MUC5B: variants seen among roughly 807,000 people sequenced by gnomAD.
MUC5B encodes the protein mucin 5B, oligomeric mucus/gel-forming.
MUC5B carries 116 observed loss-of-function variants against 376.9 expected under a neutral mutation model. The ratio of observed to expected loss-of-function variants is 0.31; its 90% CI spans 0.26 to 0.36. The LOEUF is 0.36. Among genes scored for constraint, MUC5B ranks in the 10% least tolerant of loss-of-function variants. The pLI is 1.00. For missense variants in MUC5B, 7,165 were observed against 7,769.9 expected, an observed-to-expected ratio of 0.92 and a Z score of 2.93; for synonymous variants, 3,517 against 3,390.9, an observed-to-expected ratio of 1.04 and a Z score of -1.29.
At position 1,246,282 on chromosome 11, in the gene MUC5B, C is replaced by G; in HGVS notation, c.9402C>G (p.Ile3134Met). 6.2e-7 allele frequency: 1 copy of G among 1,610,824 alleles called. No homozygotes were observed. The highest frequency in any genetic ancestry group is 8.5e-7 in the Non-Finnish European group (1 of 1,178,154). The stretch of plus-strand genomic sequence containing the variant: ...CCTCCACTCCGGGGACGACCTGGAT[C>G]CTCACAGAGCTGACCACAGCAGCCA... ...TPSSTPGTTW[I>M]LTELTTAATT... Residue 3134 changes from isoleucine to methionine, a missense_variant, in exon 31 of 49, where the codon ATC becomes ATG. By Grantham distance (10) the Ile-to-Met change is conservative. Around this residue, in one of 31 missense-constraint regions of MUC5B, gnomAD observed 939 missense variants for 770.6 expected, o/e 1.22. Coordinates refer to ENST00000529681, the MANE Select transcript of MUC5B (RefSeq NM_002458.3).
rs777492949 is a variant in MUC5B, at chr11:1,233,005, G to A, written c.2066-8G>A. The A allele has an allele frequency of 8.9e-6, 14 of 1,572,312 alleles. No homozygotes were observed. Among genetic ancestry groups the A allele is most frequent in the South Asian group, 4.6e-5 (4 of 87,464 alleles). On this transcript the variant is annotated splice_region_variant and splice_polypyrimidine_tract_variant and intron_variant, in intron 17 of 48. Coordinates refer to ENST00000529681, the MANE Select transcript of MUC5B (RefSeq NM_002458.3). ...CTGACCTGTCCCCCCTGGCCCCACCGACCACAGCCAAGTACATGCAGAACT... is the reference window on the plus strand; with the variant it reads ...CTGACCTGTCCCCCCTGGCCCCACCAACCACAGCCAAGTACATGCAGAACT...
At position 1,250,811 on chromosome 11, in the gene MUC5B, G is replaced by A; in HGVS notation, c.13931G>A (p.Gly4644Glu). The A allele has an allele frequency of 6.2e-7, 1 of 1,613,002 alleles. No individual in the cohort carries two copies. The highest frequency in any genetic ancestry group is 8.5e-7 in the Non-Finnish European group (1 of 1,179,552). ...ACGGTGACCCCCTCCTCCATCCCGG[G>A]GACCACCCACACCGCCAGAGTGCTG... Reference protein sequence around the residue: ...GSTVTPSSIPGTTHTARVLTT... With the variant: ...GSTVTPSSIPETTHTARVLTT... The change falls in exon 31 of 49, where the codon GGG (glycine) becomes GAG (glutamate). Residue 4644 changes from glycine (G) to glutamate (E), a missense_variant. By Grantham distance (98) the Gly-to-Glu change is moderately conservative. Around this residue, in one of 31 missense-constraint regions of MUC5B, gnomAD observed 730 missense variants for 592.7 expected, o/e 1.23. Transcript: ENST00000529681.
rs763533358 is a variant in MUC5B, at chr11:1,239,500, G to A, written c.3517G>A (p.Ala1173Thr). The change falls in exon 27 of 49, where the codon GCA becomes ACA. Residue 1173 changes from alanine (A) to threonine (T), a missense_variant. Physicochemically the swap from Ala to Thr is moderately conservative, Grantham distance 58 (BLOSUM62 0). This residue lies in a region of MUC5B where 517 missense variants were observed against 545.3 expected (regional missense o/e 0.95). Transcript: ENST00000529681. Reference protein sequence around the residue: ...GCEWHYQPCGAPCLKTCRNPS... With the variant: ...GCEWHYQPCGTPCLKTCRNPS... ...TGAGTGGCACTACCAGCCCTGCGGG[G>A]CACCCTGCCTAAAAACCTGCCGGAA... The A allele has an allele frequency of 4.4e-6, 7 of 1,605,966 alleles. No individual in the cohort carries two copies. Among genetic ancestry groups the A allele is most frequent in the Admixed American group, 1.7e-5 (1 of 59,296 alleles).
intron 37 of MUC5B, 26 bp from the exon 38 acceptor site, chr11:1,256,130 T>G (rs1421429495): frequency 1.4e-6 from 1 of 720,912 alleles, no homozygotes; most frequent in Admixed American, 2.0e-5. Flanking sequence ...CCCCTTGGCT[T>G]GTCTGACACC....
At position 1,248,597 on chromosome 11, in the gene MUC5B, C is replaced by A. The variant is rs371994923; in HGVS notation, c.11717C>A (p.Pro3906His). 2.9e-5 allele frequency: 46 copies of A among 1,613,034 alleles called. No homozygotes were observed. In the African/African-American group the frequency reaches 5.3e-4, roughly 19 times the overall value. ...ACAACCAGTGGCTCCACGGTGACCC[C>A]CTCCTCCGTCCCGGGGACCACCCAC... is the stretch of plus-strand genomic sequence containing the variant. Reference protein sequence around the residue: ...TPTTSGSTVTPSSVPGTTHTP... With the variant: ...TPTTSGSTVTHSSVPGTTHTP... Residue 3906 changes from proline (P) to histidine (H), a missense_variant, in exon 31 of 49, where the codon CCC becomes CAC. Physicochemically the swap from Pro to His is moderately conservative, Grantham distance 77. Coordinates refer to ENST00000529681, the MANE Select transcript of MUC5B (RefSeq NM_002458.3).
chr11:1,244,862 T>G lies in MUC5B; in HGVS notation c.7982T>G (p.Val2661Gly), dbSNP rs748493179. Residue 2661 changes from valine (V) to glycine (G), a missense_variant, in exon 31 of 49, where the codon GTG becomes GGG. By Grantham distance (109) the Val-to-Gly change is moderately radical. Transcript: ENST00000529681. Reference sequence around the variant, plus strand: ...CCGGGGACCACCCACACCCCCACAGTGCTGACCACCACCACCACAACTGTG... The same window carrying G: ...CCGGGGACCACCCACACCCCCACAGGGCTGACCACCACCACCACAACTGTG... ...SIPGTTHTPT[V>G]LTTTTTTVAT... 2.5e-6 allele frequency: 4 copies of G among 1,613,014 alleles called. No homozygotes were observed. The African/African-American group carries it at 5.4e-5, about 22-fold the overall frequency.
In MUC5B at chr11:1,234,334, G is replaced by A; in HGVS notation, c.2478+29G>A. The A allele has an allele frequency of 9.0e-6, 10 of 1,106,382 alleles. No homozygotes were observed. Among genetic ancestry groups the A allele is most frequent in the Non-Finnish European group, 1.4e-5 (10 of 732,160 alleles). 68.5% of individuals were successfully genotyped at this position (1,106,382 alleles called of 1,614,324 possible). A position where few individuals can be genotyped will look rare whatever the true frequency, so the allele number is the denominator to read the frequency against. ...AGTTCCATGCTTCAGGGAGGGGTGGGCAGGGAAGGGGTCCCAGCTTTCCCA... is the reference window on the plus strand; with the variant it reads ...AGTTCCATGCTTCAGGGAGGGGTGGACAGGGAAGGGGTCCCAGCTTTCCCA... On this transcript the variant is annotated intron_variant, in intron 20 of 48. Transcript: ENST00000529681. This position sits in a 1 kb window ranked among gnomAD's most constrained non-coding sequence, Gnocchi z 6.3.
Position 1,256,171 on chromosome 11 carries a change from C to T in MUC5B, c.16082C>T (p.Pro5361Leu). The change falls in exon 38 of 49, where the codon CCC becomes CTC. Residue 5361 changes from proline to leucine, a missense_variant. Pro to Leu is a moderately conservative substitution (Grantham distance 98, BLOSUM62 -3). Transcript: ENST00000529681. ...TGGLCDLTCP[P>L]TKVYKPCGPI... is the part of the protein sequence containing the mutation. The stretch of plus-strand genomic sequence containing the variant: ...GTGCCCACAGACCTCACCTGCCCAC[C>T]CACCAAAGTGTACAAGCCATGCGGC... The T allele has an allele frequency of 2.7e-6, 2 of 735,406 alleles. No homozygotes were observed. Among genetic ancestry groups the T allele is most frequent in the East Asian group, 2.6e-5 (1 of 37,988 alleles). 45.6% of individuals were successfully genotyped at this position (735,406 alleles called of 1,614,324 possible). A position where few individuals can be genotyped will look rare whatever the true frequency, so the allele number is the denominator to read the frequency against.
Position 1,241,153 on chromosome 11 carries a change from C to A in MUC5B, c.4273C>A (p.Leu1425Ile). Residue 1425 changes from leucine to isoleucine, a missense_variant, in exon 31 of 49, where the codon CTC becomes ATC. Around this residue, in one of 31 missense-constraint regions of MUC5B, gnomAD observed 517 missense variants for 545.3 expected, o/e 0.95. Coordinates refer to ENST00000529681, the MANE Select transcript of MUC5B (RefSeq NM_002458.3). The part of the protein sequence containing the change: ...PLCHDYELRV[L>I]CCEYVPCGPS... ...CTGTCACGACTACGAGCTGCGGGTTCTCTGCTGCGAATACGTGCCCTGTGG... is the reference window on the plus strand; with the variant it reads ...CTGTCACGACTACGAGCTGCGGGTTATCTGCTGCGAATACGTGCCCTGTGG... 2 of 1,607,022 alleles carry A rather than the reference C, an allele frequency of 1.2e-6. No homozygotes were observed. The highest frequency in any genetic ancestry group is 1.7e-6 in the Non-Finnish European group (2 of 1,177,000).
rs1590171807 is a variant in MUC5B at position 1,233,809 on chromosome 11, A to G, written c.2338A>G (p.Lys780Glu). ...CTCTTGTAGTTCATGTACGGGTGGG[A>G]AGCTAAGCTGCCTGGGAGCCTCTCT... Reference protein sequence around the residue: ...EGAVCSCTGGKLSCLGASLQK... With the variant: ...EGAVCSCTGGELSCLGASLQK... The change falls in exon 19 of 49, where the codon AAG becomes GAG. Residue 780 changes from lysine (K) to glutamate (E), a missense_variant. Transcript: ENST00000529681. The G allele has an allele frequency of 2.5e-6, 4 of 1,605,976 alleles. No homozygotes were observed. The East Asian group carries it at 9.0e-5, about 36-fold the overall frequency.
chr11:1,251,108 C>T lies in MUC5B; in HGVS notation c.14228C>T (p.Thr4743Ile). The change falls in exon 31 of 49, where the codon ACA (threonine) becomes ATA (isoleucine). Residue 4743 changes from threonine to isoleucine, a missense_variant. Thr to Ile is a moderately conservative substitution (Grantham distance 89, BLOSUM62 -1). Around this residue, in one of 31 missense-constraint regions of MUC5B, gnomAD observed 730 missense variants for 592.7 expected, o/e 1.23. Transcript: ENST00000529681. ...TTLPVLTSTA[T>I]KSTATSFTPI... ...CTTCCAGTGCTGACAAGCACAGCCA[C>T]AAAATCCACAGCTACCAGCTTTACA... is the stretch of plus-strand genomic sequence containing the variant. The T allele has an allele frequency of 1.2e-6, 2 of 1,611,430 alleles. No individual in the cohort carries two copies. Among genetic ancestry groups the T allele is most frequent in the Non-Finnish European group, 1.7e-6 (2 of 1,178,286 alleles).
At position 1,258,087 on chromosome 11, in the gene MUC5B, A is replaced by G; in HGVS notation, c.16451-12A>G. On this transcript the variant is annotated splice_polypyrimidine_tract_variant and intron_variant, in intron 41 of 48. Transcript: ENST00000529681. The surrounding 1 kb of genome is among the most constrained non-coding windows in gnomAD (Gnocchi z 5.5). ...GAGCAGCGCCCAGACAGTGGCCTCCATCCTCCCGCAGTGTGCAACACAACC... is the reference window on the plus strand; with the variant it reads ...GAGCAGCGCCCAGACAGTGGCCTCCGTCCTCCCGCAGTGTGCAACACAACC... The G allele has an allele frequency of 6.4e-7, 1 of 1,567,064 alleles. No homozygotes were observed. The highest frequency in any genetic ancestry group is 8.6e-7 in the Non-Finnish European group (1 of 1,157,166).
At position 1,252,967 on chromosome 11, in the gene MUC5B, CTA is replaced by C; in HGVS notation, c.15206_15207del (p.Tyr5069Ter). The C allele has an allele frequency of 6.2e-7, 1 of 1,612,678 alleles. No individual in the cohort carries two copies. Among genetic ancestry groups the C allele is most frequent in the Non-Finnish European group, 8.5e-7 (1 of 1,179,858 alleles). ...SDPSQPCDFH[Y>X]ECECICSMWG... ...ACCCGAGCCAGCCCTGTGACTTCCACTATGAGTGCGAGTGTGAGTGCGTCGGT... is the reference window on the plus strand; with the variant it reads ...ACCCGAGCCAGCCCTGTGACTTCCACTGAGTGCGAGTGTGAGTGCGTCGGT... On this transcript the variant is annotated frameshift_variant, in exon 33 of 49. Transcript: ENST00000529681. LOFTEE classifies it high-confidence loss of function.
chr11:1,247,642 C>A lies in MUC5B; in HGVS notation c.10762C>A (p.Pro3588Thr), dbSNP rs1197686583. ...GTGGCTGGACTACAGCTACCCCATG[C>A]CGGGGCCCTCTGGCGGGGACTTTGA... ...SEWLDYSYPMPGPSGGDFDTY... is the reference protein window; with the variant it reads ...SEWLDYSYPMTGPSGGDFDTY... Residue 3588 changes from proline (P) to threonine (T), a missense_variant, in exon 31 of 49, where the codon CCG (proline) becomes ACG (threonine). Physicochemically the swap from Pro to Thr is conservative, Grantham distance 38. This residue lies in a region of MUC5B where 81 missense variants were observed against 154.5 expected (regional missense o/e 0.52). Coordinates refer to ENST00000529681, the MANE Select transcript of MUC5B (RefSeq NM_002458.3). 6.2e-7 allele frequency: 1 copy of A among 1,607,806 alleles called. No individual in the cohort carries two copies. Among genetic ancestry groups the A allele is most frequent in the Admixed American group, 1.7e-5 (1 of 59,846 alleles).
Position 1,248,481 on chromosome 11 carries a change from T to C in MUC5B, c.11601T>C (p.Thr3867=). 1 of 1,608,616 alleles carries C rather than the reference T, an allele frequency of 6.2e-7. No homozygotes were observed. Among genetic ancestry groups the C allele is most frequent in the Non-Finnish European group, 8.5e-7 (1 of 1,178,004 alleles). The change falls in exon 31 of 49, where the codon ACT becomes ACC. Residue 3867 remains threonine (T), a synonymous_variant. Transcript: ENST00000529681. ...CAGCTCACACTACCAAAGTGCCGACTACCACAACCACGGGCTTCACAGTCA... is the reference window on the plus strand; with the variant it reads ...CAGCTCACACTACCAAAGTGCCGACCACCACAACCACGGGCTTCACAGTCA... ...PGTAHTTKVP[T]TTTTGFTVTP... is the part of the protein sequence containing the mutation.
Position 1,244,298 on chromosome 11 carries a change from C to G in MUC5B, c.7418C>G (p.Thr2473Ser), listed in dbSNP as rs1862385514. 3 of 1,607,104 alleles carry G rather than the reference C, an allele frequency of 1.9e-6. No homozygotes were observed. The highest frequency in any genetic ancestry group is 2.2e-5 in the South Asian group (2 of 90,706). ...WILTEPSTTA[T>S]VTVPTGSTAT... ...CTCACAGAGCCGAGCACTACAGCCA[C>G]CGTGACGGTGCCCACCGGATCCACG... is the stretch of plus-strand genomic sequence containing the variant. The change falls in exon 31 of 49, where the codon ACC (threonine) becomes AGC (serine). Residue 2473 changes from threonine to serine, a missense_variant. Coordinates refer to ENST00000529681, the MANE Select transcript of MUC5B (RefSeq NM_002458.3).
At position 1,226,628 on chromosome 11, in the gene MUC5B, G is replaced by A. The variant is rs766960035; in HGVS notation, c.213G>A (p.Ala71=). 1.1e-5 allele frequency: 18 copies of A among 1,610,176 alleles called. No homozygotes were observed. Among genetic ancestry groups the A allele is most frequent in the Admixed American group, 5.0e-5 (3 of 59,740 alleles). The change falls in exon 4 of 49, where the codon GCG becomes GCA. Residue 71 remains alanine, a synonymous_variant. Coordinates refer to ENST00000529681, the MANE Select transcript of MUC5B (RefSeq NM_002458.3). The stretch of plus-strand genomic sequence containing the variant: ...CGCTCCCCACAGCCCTGAACCCGGC[G>A]CACAATGGGCGGGTGTGCAGCACCT... ...VFPSLSPLNP[A]HNGRVCSTWG... is the part of the protein sequence containing the mutation.
intron 1 of MUC5B, 58 bp downstream of exon 1, chr11:1,223,251 A>G: frequency 1.4e-6 from 1 of 702,212 alleles, no homozygotes; most frequent in Non-Finnish European, 2.6e-6. Flanking sequence ...GGGTCTCTGC[A>G]GGTCGCTTGC....
rs780122070 is a variant in MUC5B at position 1,237,165 on chromosome 11, G to C, written c.3297+1G>C. 7.0e-7 allele frequency: 1 copy of C among 1,431,170 alleles called. No homozygotes were observed. The highest frequency in any genetic ancestry group is 9.2e-7 in the Non-Finnish European group (1 of 1,088,284). The allele number at this position is 1,431,170 out of a possible 1,614,324, so 88.7% of individuals were successfully genotyped here. A position where few individuals can be genotyped will look rare whatever the true frequency, so the allele number is the denominator to read the frequency against. On this transcript the variant is annotated splice_donor_variant, in intron 25 of 48. Coordinates refer to ENST00000529681, the MANE Select transcript of MUC5B (RefSeq NM_002458.3). LOFTEE classifies it high-confidence loss of function. Reference sequence around the variant, plus strand: ...CACCTTCGCCGCCTGCCGCTCCCAGGTGGGGCTCTGGTCTTGGCAGGCAGG... The same window carrying C: ...CACCTTCGCCGCCTGCCGCTCCCAGCTGGGGCTCTGGTCTTGGCAGGCAGG...
Sources: allele counts gnomAD v4.1 joint callset, GRCh38; gene constraint gnomAD v4.1.1; regional missense constraint gnomAD v4.1.1; non-coding constraint Gnocchi (gnomAD v3.1); transcripts MANE v1.5; gene names NCBI Gene and HGNC (gene_info 2026-07-23, HGNC 2026-07-21).